Variants in COG5 observed in about 807,000 individuals in gnomAD.
The protein encoded by COG5 is conserved oligomeric Golgi complex subunit 5.
A neutral mutation model predicts 110.4 loss-of-function variants in COG5; 86 were observed. The ratio of observed to expected loss-of-function variants is 0.78; its 90% CI spans 0.65 to 0.93. The LOEUF (loss-of-function observed/expected upper bound fraction) is 0.93, where lower values mean the gene tolerates loss of function less well. Among genes scored for constraint, COG5 ranks in the 40% least tolerant of loss-of-function variants. The pLI is 0.00. For synonymous variants in COG5, 360 were observed against 334.6 expected (o/e 1.08, Z -0.83); for missense variants, 1,077 against 987.0 (o/e 1.09, Z -1.22).
At chr7:107,433,874 G>C (rs1441491417) in intron 6 of COG5, among the ~76,000 whole-genome samples, 1 of 152,038 alleles carries the variant, frequency 6.6e-6, no homozygotes, top group East Asian at 1.9e-4. Flanking sequence ...AGAGTGAAAA[G>C]GCAACCTACA....
intron 6 of COG5, among the ~76,000 whole-genome samples, chr7:107,443,382 G>A (rs1358931690): frequency 6.6e-6 from 1 of 152,160 alleles, no homozygotes; most frequent in Non-Finnish European, 1.5e-5. Flanking sequence ...GAGAGTGACT[G>A]TTAATAGGTA....
At chr7:107,204,349 G>GTGGCCT (rs1379298564) in intron 21 of COG5, among the ~76,000 whole-genome samples, 2 of 152,260 alleles carry the variant, frequency 1.3e-5, no homozygotes, top group East Asian at 3.9e-4. Context: ...CAGAGACCAT[G>GTGGCCT]TGGCCTGCAA....
At chr7:107,548,201 G>A in intron 4 of COG5, 21 bp from the exon 5 acceptor site, 1 of 1,609,652 alleles carries the variant, frequency 6.2e-7, no homozygotes, top group Non-Finnish European at 8.5e-7. Context: ...AGAGAGGAGT[G>A]AGAATAAAAT....
At chr7:107,421,449 G>T (rs546891626) in intron 6 of COG5, among the ~76,000 whole-genome samples, 1 of 152,110 alleles carries the variant, frequency 6.6e-6, no homozygotes, top group African/African-American at 2.4e-5. Context: ...ACCATGTTCT[G>T]GGTCACAAAA....
intron 11 of COG5, among the ~76,000 whole-genome samples, chr7:107,308,328 G>A (rs1807908461): frequency 6.6e-6 from 1 of 152,122 alleles, no homozygotes; most frequent in Admixed American, 6.5e-5. Context: ...TTACAGCCCA[G>A]GCTTTGGGAT....
chr7:107,244,915 T>C (rs555565988), intron 17 of COG5, among the ~76,000 whole-genome samples: 1 of 152,224 alleles, frequency 6.6e-6, no homozygotes, highest in African/African-American at 2.4e-5. Flanking sequence ...TTCCAAAAAA[T>C]GGAGGAAGAG....
intron 7 of COG5, among the ~76,000 whole-genome samples, chr7:107,386,629 A>G (rs1417472179): frequency 2.0e-5 from 3 of 152,124 alleles, no homozygotes; most frequent in African/African-American, 4.8e-5. Context: ...ACAGTATATA[A>G]AAGTATTTAA....
At chr7:107,318,311 C>A (rs1808943730) in intron 11 of COG5, among the ~76,000 whole-genome samples, 1 of 152,120 alleles carries the variant, frequency 6.6e-6, no homozygotes, top group Non-Finnish European at 1.5e-5. Context: ...CAGGCATGAG[C>A]CATAGCACCT....
At position 107,483,415 on chromosome 7, in the gene COG5, C is replaced by A. The variant is rs1797461262; in HGVS notation, c.538+43822G>T. 2.0e-5 allele frequency among the ~76,000 whole-genome samples: 3 copies of A among 151,982 alleles called. No individual in the cohort carries two copies. In the South Asian group the frequency reaches 6.2e-4, roughly 31 times the overall value. On this transcript the variant is annotated intron_variant, in intron 6 of 21. Transcript: ENST00000297135. ...TGCTAGTGAATACAACTTAAAGACACAAAGACAAGGCTGGGCATGGTGGCA... is the reference window on the plus strand; with the variant it reads ...TGCTAGTGAATACAACTTAAAGACAAAAAGACAAGGCTGGGCATGGTGGCA...
chr7:107,437,637 T>C (rs1794447742), intron 6 of COG5, among the ~76,000 whole-genome samples: 1 of 152,206 alleles, frequency 6.6e-6, no homozygotes, highest in Non-Finnish European at 1.5e-5. Context: ...GATTTTAATA[T>C]ACATTTCACA....
chr7:107,500,360 GA>G (rs1798560896), intron 6 of COG5, among the ~76,000 whole-genome samples: 1 of 152,128 alleles, frequency 6.6e-6, no homozygotes, highest in Non-Finnish European at 1.5e-5. Context: ...TTTAGATACG[GA>G]TTTCTTTTTC....
At chr7:107,217,301 A>T (rs1799601567) in intron 19 of COG5, among the ~76,000 whole-genome samples, 1 of 152,170 alleles carries the variant, frequency 6.6e-6, no homozygotes, top group South Asian at 2.1e-4. Flanking sequence ...CCACAGGTGA[A>T]TTCTATAAAA....
intron 1 of COG5, 136 bp downstream of exon 1, chr7:107,563,667 G>A (rs772031599): frequency 1.0e-6 from 1 of 954,908 alleles, no homozygotes; most frequent in Non-Finnish European, 1.7e-6. Flanking sequence ...CAAGCCAGGG[G>A]GCCGGGCGGA....
intron 10 of COG5, among the ~76,000 whole-genome samples, chr7:107,333,669 A>G (rs1321477457): frequency 6.6e-6 from 1 of 152,196 alleles, no homozygotes; most frequent in Non-Finnish European, 1.5e-5. Flanking sequence ...TTTACAAAAT[A>G]GTAACAGGTG....
intron 10 of COG5, among the ~76,000 whole-genome samples, chr7:107,347,982 TA>T (rs1811774488): frequency 1.3e-5 from 2 of 151,414 alleles, no homozygotes; most frequent in African/African-American, 4.9e-5. Flanking sequence ...AAAAAATAGC[TA>T]GGGGTGGTGG....
At chr7:107,401,157 G>A (rs531564667) in intron 7 of COG5, among the ~76,000 whole-genome samples, 2 of 152,020 alleles carry the variant, frequency 1.3e-5, no homozygotes, top group African/African-American at 4.8e-5. Context: ...ACAGGCCACG[G>A]GCTGTAGTTT....
At chr7:107,254,637 G>A (rs1275787128) in intron 16 of COG5, among the ~76,000 whole-genome samples, 1 of 152,052 alleles carries the variant, frequency 6.6e-6, no homozygotes, top group East Asian at 1.9e-4. Flanking sequence ...TCAGAGTCAC[G>A]GCTGCAGCCC....
chr7:107,355,606 C>A (rs1812555282), intron 10 of COG5, among the ~76,000 whole-genome samples: 1 of 152,160 alleles, frequency 6.6e-6, no homozygotes, highest in Non-Finnish European at 1.5e-5. Context: ...AAGAAAACTA[C>A]CAAACCAAAA....
chr7:107,511,369 C>A (rs1201781079), intron 6 of COG5, among the ~76,000 whole-genome samples: 1 of 152,092 alleles, frequency 6.6e-6, no homozygotes, highest in Non-Finnish European at 1.5e-5. Flanking sequence ...TCTGAATAGA[C>A]CAATAACAGA....
Sources: allele counts gnomAD v4.1 joint callset (sites outside exome capture counted in the v4.1 genomes callset), GRCh38; gene constraint gnomAD v4.1.1; transcripts MANE v1.5; gene names NCBI Gene and HGNC (gene_info 2026-07-23, HGNC 2026-07-21).